PPM1L: variants seen among roughly 807,000 people sequenced by gnomAD.
PPM1L encodes the protein protein phosphatase 1L.
In PPM1L, 13 loss-of-function variants were observed where a neutral mutation model predicts 31.4. The ratio of observed to expected loss-of-function variants is 0.41; its 90% CI spans 0.27 to 0.66. The LOEUF is 0.66. PPM1L is among the 30% of genes least tolerant of loss of function. The pLI is 0.29. For synonymous variants in PPM1L, 184 were observed against 175.4 expected (o/e 1.05, Z -0.39); for missense variants, 326 against 453.7 (o/e 0.72, Z 2.56).
chr3:160,923,775 C>T (rs1714497696), intron 1 of PPM1L, among the ~76,000 whole-genome samples: 1 of 152,188 alleles, frequency 6.6e-6, no homozygotes, highest in African/African-American at 2.4e-5. Flanking sequence ...GATTCTCTGA[C>T]TGGCAAAATA....
intron 1 of PPM1L, among the ~76,000 whole-genome samples, chr3:160,770,498 A>T (rs1715221542): frequency 6.6e-6 from 1 of 152,246 alleles, no homozygotes; most frequent in Non-Finnish European, 1.5e-5. Flanking sequence ...AGAATTGATA[A>T]TCACAGAATA....
At chr3:160,835,319 C>T (rs1292669110) in intron 1 of PPM1L, among the ~76,000 whole-genome samples, 3 of 151,798 alleles carry the variant, frequency 2.0e-5, no homozygotes, top group Non-Finnish European at 4.4e-5. Context: ...GTATCCACAT[C>T]TCATTGTGTT....
chr3:160,766,659 C>T (rs560632632), intron 1 of PPM1L, among the ~76,000 whole-genome samples: 12 of 150,918 alleles, frequency 8.0e-5, no homozygotes, highest in Middle Eastern at 7.0e-3. Context: ...TTCATAGCAG[C>T]GTTAAAATGG....
At chr3:160,795,593 G>A (rs557530270) in intron 1 of PPM1L, among the ~76,000 whole-genome samples, 79 of 152,282 alleles carry the variant, frequency 5.2e-4, no homozygotes, top group African/African-American at 1.9e-3. Context: ...GCTGTAAAAT[G>A]GGAGACTTTA....
intron 1 of PPM1L, among the ~76,000 whole-genome samples, chr3:160,926,266 A>G (rs1714583622): frequency 6.6e-6 from 1 of 152,202 alleles, no homozygotes. Flanking sequence ...TTTCTGAGCC[A>G]TAATAGGTTG....
chr3:160,986,920 C>T (rs1399387036), intron 2 of PPM1L, among the ~76,000 whole-genome samples: 2 of 152,184 alleles, frequency 1.3e-5, no homozygotes, highest in Non-Finnish European at 2.9e-5. Flanking sequence ...TTTCCTTATA[C>T]AGTTACTAAT....
At chr3:160,975,589 A>G (rs376486575) in intron 2 of PPM1L, among the ~76,000 whole-genome samples, 3 of 151,558 alleles carry the variant, frequency 2.0e-5, no homozygotes, top group South Asian at 2.1e-4. Flanking sequence ...GGTCCTTCAC[A>G]TCCCTTGTAA....
chr3:160,813,598 C>CA (rs1163636151), intron 1 of PPM1L, among the ~76,000 whole-genome samples: 1 of 152,138 alleles, frequency 6.6e-6, no homozygotes, highest in Non-Finnish European at 1.5e-5. Flanking sequence ...CCTCAGCCAC[C>CA]CAAAGTGCTG....
chr3:160,911,305 T>C (rs1272322105), intron 1 of PPM1L, among the ~76,000 whole-genome samples: 3 of 152,222 alleles, frequency 2.0e-5, no homozygotes, highest in African/African-American at 4.8e-5. Flanking sequence ...AGGTTGTATG[T>C]TATGTATCTC....
In PPM1L at chr3:160,776,150, G is replaced by A. The variant is rs115165840; in HGVS notation, c.399+19443G>A. ...TTGAAGGAATTACATTTTAGAAAAT[G>A]TTGATTATGAGGAATTGGTAGAATT... is the stretch of plus-strand genomic sequence containing the variant. On this transcript the variant is annotated intron_variant, in intron 1 of 3. Coordinates refer to ENST00000498165, the MANE Select transcript of PPM1L (RefSeq NM_139245.4). Among the ~76,000 whole-genome samples, 222 of 152,306 alleles carry A rather than the reference G, an allele frequency of 1.5e-3. 1 individual carries two copies. Among genetic ancestry groups the A allele is most frequent in the Non-Finnish European group, 2.7e-3 (184 of 68,018 alleles).
chr3:160,945,067 C>CATACATTATATATAACTATATATAACAT (rs371471886), intron 1 of PPM1L, among the ~76,000 whole-genome samples: 3 of 69,704 alleles, frequency 4.3e-5, no homozygotes, highest in Non-Finnish European at 7.1e-5. Flanking sequence ...CTATATATAA[C>CATACATTATATATAACTATATATAACAT]ATGTTATATA....
chr3:161,061,846 A>G (rs187188579), intron 2 of PPM1L, among the ~76,000 whole-genome samples: 32 of 152,320 alleles, frequency 2.1e-4, no homozygotes, highest in East Asian at 1.9e-3. Flanking sequence ...TTCAGATATT[A>G]CAGGGAACAA....
chr3:160,815,664 A>T (rs1321424947), intron 1 of PPM1L, among the ~76,000 whole-genome samples: 5 of 152,198 alleles, frequency 3.3e-5, no homozygotes, highest in Non-Finnish European at 7.3e-5. Flanking sequence ...TTATTCCATC[A>T]TAATATAGTA....
At chr3:160,805,248 C>T (rs1177263502) in intron 1 of PPM1L, among the ~76,000 whole-genome samples, 2 of 152,068 alleles carry the variant, frequency 1.3e-5, no homozygotes, top group Non-Finnish European at 2.9e-5. Flanking sequence ...TAATATTTGC[C>T]AAATTGTTTT....
chr3:160,756,342 C>T lies in PPM1L; in HGVS notation c.34C>T (p.Leu12=). Residue 12 remains leucine (L), a synonymous_variant, in exon 1 of 4, where the codon CTG becomes TTG. Transcript: ENST00000498165. This position sits in a 1 kb window ranked among gnomAD's most constrained non-coding sequence, Gnocchi z 6.2. ...IEDTMTLLSL[L]GRIMRYFLLR... ...GGATACAATGACTTTGCTGTCTCTG[C>T]TGGGTCGCATCATGCGCTACTTCTT... The T allele has an allele frequency of 6.2e-7, 1 of 1,614,136 alleles. No homozygotes were observed. The highest frequency in any genetic ancestry group is 8.5e-7 in the Non-Finnish European group (1 of 1,179,986).
intron 1 of PPM1L, among the ~76,000 whole-genome samples, chr3:160,933,171 A>T (rs575390979): frequency 6.6e-6 from 1 of 152,186 alleles, no homozygotes; most frequent in Non-Finnish European, 1.5e-5. Flanking sequence ...GCCTTGTATT[A>T]TATGCCATTT....
At chr3:161,053,312 A>G (rs1719327287) in intron 2 of PPM1L, among the ~76,000 whole-genome samples, 1 of 152,204 alleles carries the variant, frequency 6.6e-6, no homozygotes, top group African/African-American at 2.4e-5. Context: ...GTACCTCAAA[A>G]TAGTCATGCC....
chr3:160,842,607 G>T (rs1435033078), intron 1 of PPM1L, among the ~76,000 whole-genome samples: 1 of 152,182 alleles, frequency 6.6e-6, no homozygotes, highest in African/African-American at 2.4e-5. Flanking sequence ...CTGATGAGAT[G>T]CAGGAAGAAG....
chr3:160,819,047 G>A (rs1273529002), intron 1 of PPM1L, among the ~76,000 whole-genome samples: 2 of 151,900 alleles, frequency 1.3e-5, no homozygotes. Flanking sequence ...TGGTAAAGTT[G>A]AGCAGTAGAT....
Sources: allele counts gnomAD v4.1 joint callset (sites outside exome capture counted in the v4.1 genomes callset), GRCh38; gene constraint gnomAD v4.1.1; non-coding constraint Gnocchi (gnomAD v3.1); transcripts MANE v1.5; gene names NCBI Gene and HGNC (gene_info 2026-07-23, HGNC 2026-07-21).